Variants in EFCAB14 observed in about 807,000 individuals in gnomAD.
EFCAB14 encodes the protein EF-hand calcium-binding domain-containing protein 14.
In EFCAB14, 43 loss-of-function variants were observed where a neutral mutation model predicts 56.5. The ratio of observed to expected loss-of-function variants is 0.76; its 90% CI spans 0.60 to 0.98. The LOEUF (loss-of-function observed/expected upper bound fraction) is 0.98. EFCAB14 is among the 50% of genes least tolerant of loss of function. The probability of loss-of-function intolerance (pLI) is 0.00; values close to 1 mark genes in which losing one functional copy is unlikely to be tolerated. For missense variants in EFCAB14, 538 were observed against 580.3 expected (o/e 0.93, Z 0.75); for synonymous variants, 235 against 212.9 (o/e 1.10, Z -0.90).
At chr1:46,693,657 T>A (rs1405233368) in intron 4 of EFCAB14, among the ~76,000 whole-genome samples, 1 of 152,226 alleles carries the variant, frequency 6.6e-6, no homozygotes, top group Non-Finnish European at 1.5e-5. Flanking sequence ...CCCATTGGGA[T>A]GCCAGAAGAT....
intron 4 of EFCAB14, 120 bp from the exon 5 acceptor site, chr1:46,692,057 C>T: frequency 3.0e-6 from 2 of 669,620 alleles, no homozygotes; most frequent in Non-Finnish European, 4.9e-6. Flanking sequence ...ATTGTGAAAC[C>T]AGTACTACAA....
Position 46,684,484 on chromosome 1 carries a change from C to T in EFCAB14, c.1186+7G>A. On this transcript the variant is annotated splice_region_variant and intron_variant, in intron 9 of 10. Transcript: ENST00000371933. The stretch of plus-strand genomic sequence containing the variant: ...ATGAAATATTAAGAAGCCGGCTCTG[C>T]TCTCACCTTCATCGGCGGTCTCTGG... 2 of 1,611,656 alleles carry T rather than the reference C, an allele frequency of 1.2e-6. No individual in the cohort carries two copies. The highest frequency in any genetic ancestry group is 1.7e-6 in the Non-Finnish European group (2 of 1,177,872).
chr1:46,711,325 G>A (rs1350720213), intron 2 of EFCAB14, among the ~76,000 whole-genome samples: 1 of 152,242 alleles, frequency 6.6e-6, no homozygotes, highest in Non-Finnish European at 1.5e-5. Context: ...GCCATACTCA[G>A]GTACCCCGAA....
Position 46,675,703 on chromosome 1 carries a change from C to T in EFCAB14, c.*2758G>A, listed in dbSNP as rs905550637. The T allele has an allele frequency of 4.6e-5, 7 of 152,304 alleles. No homozygotes were observed. Among genetic ancestry groups the T allele is most frequent in the African/African-American group, 1.7e-4 (7 of 41,556 alleles). The allele number at this position is 152,304 out of a possible 1,614,324, so 9.4% of individuals were successfully genotyped here. On this transcript the variant is annotated 3_prime_UTR_variant, in exon 11 of 11. Transcript: ENST00000371933. ...TCAGCTCTGTTGCATCATACACATT[C>T]CTGAGGGTCAGGCACCTCTGCCTTT...
intron 2 of EFCAB14, among the ~76,000 whole-genome samples, chr1:46,714,745 C>T (rs868296827): frequency 2.0e-5 from 3 of 149,746 alleles, no homozygotes; most frequent in East Asian, 2.0e-4. Flanking sequence ...AAGGCTGCAA[C>T]GAGCCAGATG....
chr1:46,679,296 T>C (rs752045926), intron 10 of EFCAB14, among the ~76,000 whole-genome samples: 4 of 152,128 alleles, frequency 2.6e-5, no homozygotes, highest in Non-Finnish European at 5.9e-5. Flanking sequence ...TGGAATACAA[T>C]ACAAATTTCT....
intron 9 of EFCAB14, 57 bp from the exon 10 acceptor site, chr1:46,683,482 C>T: frequency 6.4e-7 from 1 of 1,556,886 alleles, no homozygotes; most frequent in Non-Finnish European, 8.7e-7. Flanking sequence ...CCAAATTAAA[C>T]TAGTATCGAA....
At chr1:46,685,562 T>C (rs1326842580) in intron 8 of EFCAB14, among the ~76,000 whole-genome samples, 10 of 152,098 alleles carry the variant, frequency 6.6e-5, no homozygotes, top group Non-Finnish European at 1.5e-5. Context: ...GAACTAATGG[T>C]AAGGAGAAAT....
At chr1:46,682,056 C>T (rs2275380) in intron 10 of EFCAB14, 57,629 of 151,996 alleles carry the variant, frequency 0.38, 12,560 homozygotes, top group Non-Finnish European at 0.5. Flanking sequence ...CATTTAATTG[C>T]AATGTGTAGG....
chr1:46,701,476 CT>C (rs1221095768), intron 3 of EFCAB14, among the ~76,000 whole-genome samples: 1 of 152,220 alleles, frequency 6.6e-6, no homozygotes, highest in Non-Finnish European at 1.5e-5. Flanking sequence ...AAGGAAGAAG[CT>C]GTTCTTTGGG....
chr1:46,686,847 C>T lies in EFCAB14; in HGVS notation c.1011G>A (p.Leu337=). 1 of 1,613,736 alleles carries T rather than the reference C, an allele frequency of 6.2e-7. No homozygotes were observed. Among genetic ancestry groups the T allele is most frequent in the Non-Finnish European group, 8.5e-7 (1 of 1,179,792 alleles). ...TGACTTGATCCAAAGACTGTCTTTT[C>T]AGAGTGGCAGATCTATCACCCATCT... ...FSMMGDRSAT[L]KRQSLDQVTN... Residue 337 remains leucine, a synonymous_variant, in exon 8 of 11, where the codon CTG becomes CTA. Coordinates refer to ENST00000371933, the MANE Select transcript of EFCAB14 (RefSeq NM_014774.3).
intron 2 of EFCAB14, among the ~76,000 whole-genome samples, chr1:46,708,857 T>C (rs980205726): frequency 2.6e-5 from 4 of 152,194 alleles, no homozygotes; most frequent in African/African-American, 4.8e-5. Context: ...GAAACAATGC[T>C]TTCTCTTCTT....
Position 46,684,540 on chromosome 1 carries a change from A to C in EFCAB14, c.1137T>G (p.Ala379=), listed in dbSNP as rs1182587875. 6.2e-7 allele frequency: 1 copy of C among 1,613,966 alleles called. No homozygotes were observed. Among genetic ancestry groups the C allele is most frequent in the East Asian group, 2.2e-5 (1 of 44,892 alleles). The change falls in exon 9 of 11, where the codon GCT becomes GCG. Residue 379 remains alanine (A), a synonymous_variant. Transcript: ENST00000371933. ...TGTTGCTCTCAGGTTTGTTTGTAAGAGCACTGATCAGCTGGAGTTTCTCTC... is the reference window on the plus strand; with the variant it reads ...TGTTGCTCTCAGGTTTGTTTGTAAGCGCACTGATCAGCTGGAGTTTCTCTC... ...KLREKLQLIS[A]LTNKPESNRP... is the part of the protein sequence containing the mutation.
chr1:46,688,301 C>T lies in EFCAB14; in HGVS notation c.987+52G>A, dbSNP rs1676921494. On this transcript the variant is annotated intron_variant, in intron 7 of 10. Transcript: ENST00000371933. ...TTCTCAAAAGGTGGTAGAATGTTAT[C>T]CATGCACAGACAAAACACACTGCAT... The T allele has an allele frequency of 5.2e-6, 8 of 1,543,084 alleles. No individual in the cohort carries two copies. The Admixed American group carries it at 6.9e-5, about 13-fold the overall frequency.
chr1:46,707,470 A>C (rs1379600924), intron 3 of EFCAB14, among the ~76,000 whole-genome samples: 1 of 152,036 alleles, frequency 6.6e-6, no homozygotes, highest in South Asian at 2.1e-4. Flanking sequence ...TCCATCACCC[A>C]CTCCTAAGCT....
intron 9 of EFCAB14, chr1:46,684,278 T>C: frequency 3.8e-6 from 2 of 527,190 alleles, no homozygotes; most frequent in Non-Finnish European, 6.7e-6. Flanking sequence ...CAGCTAAACA[T>C]TACCAATTCT....
At chr1:46,699,265 A>AT (rs1199333544) in intron 3 of EFCAB14, among the ~76,000 whole-genome samples, 2 of 152,248 alleles carry the variant, frequency 1.3e-5, no homozygotes, top group African/African-American at 4.8e-5. Context: ...AATTTTATAC[A>AT]TAAAAACCAA....
chr1:46,694,933 A>G (rs1307115109), intron 4 of EFCAB14, among the ~76,000 whole-genome samples: 1 of 152,156 alleles, frequency 6.6e-6, no homozygotes, highest in Non-Finnish European at 1.5e-5. Context: ...TTGTAGGGAC[A>G]TGGATGAAGC....
intron 3 of EFCAB14, among the ~76,000 whole-genome samples, chr1:46,699,631 T>C (rs1291142898): frequency 6.6e-6 from 1 of 152,232 alleles, no homozygotes; most frequent in Non-Finnish European, 1.5e-5. Flanking sequence ...AGTGAATTTA[T>C]TCTTTTCATC....
Sources: allele counts gnomAD v4.1 joint callset (sites outside exome capture counted in the v4.1 genomes callset), GRCh38; gene constraint gnomAD v4.1.1; transcripts MANE v1.5; gene names NCBI Gene and HGNC (gene_info 2026-07-23, HGNC 2026-07-21).